Variants in EEIG1 observed in about 807,000 individuals in gnomAD.
EEIG1 encodes early estrogen-induced gene 1 protein.
At chr9:127,967,202 G>C in the EEIG1 span, among the ~76,000 whole-genome samples, 2 of 152,208 alleles carry the variant, frequency 1.3e-5, no homozygotes, top group African/African-American at 2.4e-5. Flanking sequence ...TCCCAAGTTA[G>C]GAGGGAGAAG....
At chr9:127,944,190 T>TTAGGGCC in the EEIG1 span, 1 of 240,000 alleles carries the variant, frequency 4.2e-6, no homozygotes, top group African/African-American at 2.3e-5. Context: ...AGGCCTTCAC[T>TTAGGGCC]TAGGGCCTAG....
chr9:127,944,509 T>C, the EEIG1 span: 1 of 791,860 alleles, frequency 1.3e-6, no homozygotes, highest in African/African-American at 1.7e-5. Flanking sequence ...GGTCACACTG[T>C]GGCGACAAGA....
At chr9:127,974,386 C>T in the EEIG1 span, among the ~76,000 whole-genome samples, 2 of 152,232 alleles carry the variant, frequency 1.3e-5, no homozygotes, top group African/African-American at 4.8e-5. Flanking sequence ...CTCCTCCACC[C>T]TCCCCATACC....
At chr9:127,976,845 T>C in the EEIG1 span, among the ~76,000 whole-genome samples, 3 of 151,498 alleles carry the variant, frequency 2.0e-5, no homozygotes, top group East Asian at 5.8e-4. The surrounding 1 kb of genome is among the most constrained non-coding windows in gnomAD (Gnocchi z 4.1). Context: ...ATCTCGGGGG[T>C]TCCTGGGGGT....
chr9:127,947,808 T>C, the EEIG1 span, among the ~76,000 whole-genome samples: 1 of 152,180 alleles, frequency 6.6e-6, no homozygotes, highest in Non-Finnish European at 1.5e-5. Context: ...GATTGAGGCC[T>C]GTTTCTTCTG....
chr9:127,967,306 A>C, the EEIG1 span, among the ~76,000 whole-genome samples: 1 of 152,126 alleles, frequency 6.6e-6, no homozygotes, highest in Non-Finnish European at 1.5e-5. Flanking sequence ...GCACCGAGCC[A>C]AGCACTCTCC....
At chr9:127,976,512 C>A in the EEIG1 span, among the ~76,000 whole-genome samples, 1 of 152,256 alleles carries the variant, frequency 6.6e-6, no homozygotes, top group Non-Finnish European at 1.5e-5. The surrounding 1 kb of genome is among the most constrained non-coding windows in gnomAD (Gnocchi z 4.1). Flanking sequence ...TGGTGCCTCT[C>A]TGGATGGCTG....
the EEIG1 span, chr9:127,944,770 G>A: frequency 1.9e-5 from 31 of 1,611,686 alleles, no homozygotes; most frequent in Non-Finnish European, 2.2e-5. Context: ...AGCCCAGCAC[G>A]GCTCACCCTC....
chr9:127,947,986 C>T, the EEIG1 span: 13 of 1,447,910 alleles, frequency 9.0e-6, no homozygotes, highest in East Asian at 4.6e-5. Context: ...CCTCAGTCAG[C>T]GTCTCCCTGG....
At chr9:127,945,475 C>A in the EEIG1 span, 2 of 1,565,768 alleles carry the variant, frequency 1.3e-6, no homozygotes, top group Non-Finnish European at 1.7e-6. The surrounding 1 kb of genome is among the most constrained non-coding windows in gnomAD (Gnocchi z 6.5). Flanking sequence ...CATGCCAAGG[C>A]CCCCAGAGGC....
the EEIG1 span, chr9:127,950,784 G>A: frequency 2.4e-5 from 27 of 1,128,390 alleles, no homozygotes; most frequent in South Asian, 6.0e-5. Context: ...TTTGTGCCAC[G>A]TCCCGGCGTG....
the EEIG1 span, chr9:127,948,097 T>G: frequency 6.2e-7 from 1 of 1,612,706 alleles, no homozygotes; most frequent in Non-Finnish European, 8.5e-7. Context: ...GGGCCGAGCC[T>G]TGGGGGGCCG....
the EEIG1 span, among the ~76,000 whole-genome samples, chr9:127,965,159 A>G: frequency 6.6e-6 from 1 of 150,756 alleles, no homozygotes; most frequent in Admixed American, 6.6e-5. Flanking sequence ...AAAACCAAAA[A>G]ACATTCCACT....
the EEIG1 span, among the ~76,000 whole-genome samples, chr9:127,968,339 T>A: frequency 6.6e-6 from 1 of 152,076 alleles, no homozygotes; most frequent in African/African-American, 2.4e-5. Context: ...TTACCCTCCA[T>A]CCCAGCCCAT....
At chr9:127,943,623 G>A in the EEIG1 span, 2 of 246,374 alleles carry the variant, frequency 8.1e-6, no homozygotes, top group African/African-American at 2.3e-5. Context: ...CCGAGCCCAG[G>A]CCCAGCCCTG....
the EEIG1 span, among the ~76,000 whole-genome samples, chr9:127,969,162 G>A: frequency 4.6e-5 from 7 of 152,204 alleles, no homozygotes; most frequent in Non-Finnish European, 8.8e-5. Context: ...GGCAAAGACA[G>A]GGTTCAGGGC....
At chr9:127,942,859 A>T in the EEIG1 span, 1 of 392,732 alleles carries the variant, frequency 2.5e-6, no homozygotes, top group Non-Finnish European at 4.8e-6. Flanking sequence ...GTCCTCAGCC[A>T]GAGGGCTGGG....
the EEIG1 span, among the ~76,000 whole-genome samples, chr9:127,980,867 A>C: frequency 2.7e-5 from 4 of 148,744 alleles, no homozygotes; most frequent in African/African-American, 9.8e-5. Flanking sequence ...GGCGGAGCTG[A>C]GGCGCCCTTC....
At chr9:127,961,900 G>A in the EEIG1 span, among the ~76,000 whole-genome samples, 1 of 152,268 alleles carries the variant, frequency 6.6e-6, no homozygotes, top group Non-Finnish European at 1.5e-5. Context: ...GCCGGGGCAG[G>A]CATGGGCCAG....
Sources: allele counts gnomAD v4.1 joint callset (sites outside exome capture counted in the v4.1 genomes callset), GRCh38; gene constraint gnomAD v4.1.1; non-coding constraint Gnocchi (gnomAD v3.1); transcripts MANE v1.5; gene names NCBI Gene and HGNC (gene_info 2026-07-23, HGNC 2026-07-21).